LAMC1: variants seen among roughly 807,000 people sequenced by gnomAD.
LAMC1 encodes laminin subunit gamma 1, also known as laminin subunit gamma-1.
LAMC1 carries 38 observed loss-of-function variants against 173.6 expected under a neutral mutation model. That is an observed-to-expected ratio of 0.22 (90% confidence interval 0.17 to 0.29). The LOEUF is 0.29. Ranked by LOEUF, LAMC1 falls within the 10% of genes least tolerant of loss-of-function variation. The pLI is 1.00. For missense variants in LAMC1, 1,824 were observed against 2,051.8 expected, an observed-to-expected ratio of 0.89 and a Z score of 2.14; for synonymous variants, 746 against 749.1, an observed-to-expected ratio of 1.00 and a Z score of 0.07.
chr1:183,097,304 T>G (rs562804149), intron 1 of LAMC1, among the ~76,000 whole-genome samples: 3 of 152,206 alleles, frequency 2.0e-5, no homozygotes, highest in Non-Finnish European at 4.4e-5. Flanking sequence ...TATTAAAGTT[T>G]TATATGCCTA....
chr1:183,043,466 G>A (rs1283857145), intron 1 of LAMC1, among the ~76,000 whole-genome samples: 1 of 152,054 alleles, frequency 6.6e-6, no homozygotes, highest in African/African-American at 2.4e-5. Flanking sequence ...AACTACTGAA[G>A]ACTATATAAA....
chr1:183,129,235 G>A lies in LAMC1; in HGVS notation c.3280+485G>A, dbSNP rs570866348. Among the ~76,000 whole-genome samples, 660 of 123,728 alleles carry A rather than the reference G, an allele frequency of 5.3e-3. 1 individual carries two copies. Among genetic ancestry groups the A allele is most frequent in the Non-Finnish European group, 8.6e-3 (493 of 57,002 alleles). 81.2% of individuals were successfully genotyped at this position (123,728 alleles called of 152,430 possible). On this transcript the variant is annotated intron_variant, in intron 18 of 27. Coordinates refer to ENST00000258341, the MANE Select transcript of LAMC1 (RefSeq NM_002293.4). ...CAAGTACCTGGGACTACAGGCACATGCCCACCATGCCCGGGGTAATTTTTT... is the reference window on the plus strand; with the variant it reads ...CAAGTACCTGGGACTACAGGCACATACCCACCATGCCCGGGGTAATTTTTT...
At chr1:183,057,934 G>A (rs1395449957) in intron 1 of LAMC1, among the ~76,000 whole-genome samples, 1 of 152,030 alleles carries the variant, frequency 6.6e-6, no homozygotes, top group Admixed American at 6.5e-5. Flanking sequence ...GCAGTTCAAT[G>A]CATAAGGAAT....
chr1:183,136,164 G>C (rs952391365), intron 24 of LAMC1, among the ~76,000 whole-genome samples: 1 of 152,176 alleles, frequency 6.6e-6, no homozygotes, highest in African/African-American at 2.4e-5. Flanking sequence ...GCACATTGTT[G>C]AAGTAAGAAT....
chr1:183,100,111 C>T (rs559872684), intron 1 of LAMC1, among the ~76,000 whole-genome samples: 27 of 152,314 alleles, frequency 1.8e-4, no homozygotes, highest in African/African-American at 4.8e-4. Flanking sequence ...AGCTCCCTAT[C>T]GCCTTTGTAG....
At chr1:183,127,180 C>G in intron 16 of LAMC1, 46 bp from the exon 17 acceptor site, 4 of 1,554,098 alleles carry the variant, frequency 2.6e-6, no homozygotes, top group Non-Finnish European at 3.5e-6. Flanking sequence ...GAGATATACT[C>G]TTCCTTCTTT....
At chr1:183,086,417 A>C (rs1418194092) in intron 1 of LAMC1, among the ~76,000 whole-genome samples, 1 of 152,248 alleles carries the variant, frequency 6.6e-6, no homozygotes, top group Non-Finnish European at 1.5e-5. Flanking sequence ...TGATAGAAGC[A>C]AGAGCAGAGA....
rs758467789 is a variant in LAMC1, at chr1:183,125,551, G to T, written c.2801+1G>T. 1 of 1,571,756 alleles carries T rather than the reference G, an allele frequency of 6.4e-7. No homozygotes were observed. Among genetic ancestry groups the T allele is most frequent in the South Asian group, 1.2e-5 (1 of 84,930 alleles). On this transcript the variant is annotated splice_donor_variant, in intron 15 of 27. Transcript: ENST00000258341. LOFTEE classifies it high-confidence loss of function. The stretch of plus-strand genomic sequence containing the variant: ...TGCAGAGTGGGCAAGGCTGTGAGAG[G>T]TGAGACATAGGTGCCTTTGGTGAAA...
chr1:183,040,243 C>T (rs1654091664), intron 1 of LAMC1, among the ~76,000 whole-genome samples: 1 of 152,230 alleles, frequency 6.6e-6, no homozygotes, highest in African/African-American at 2.4e-5. Context: ...GTTCATACAT[C>T]ATTTTGTGTT....
intron 1 of LAMC1, among the ~76,000 whole-genome samples, chr1:183,073,467 C>T (rs1655058643): frequency 6.6e-6 from 1 of 152,174 alleles, no homozygotes; most frequent in Non-Finnish European, 1.5e-5. Flanking sequence ...CCTCCCAAAC[C>T]TTTGAGCTTG....
chr1:183,056,136 G>A (rs1654588940), intron 1 of LAMC1, among the ~76,000 whole-genome samples: 1 of 152,234 alleles, frequency 6.6e-6, no homozygotes. Flanking sequence ...TTAGAGCATG[G>A]GCTGTGGAGG....
intron 1 of LAMC1, among the ~76,000 whole-genome samples, chr1:183,059,238 A>G (rs768595004): frequency 6.6e-6 from 1 of 152,248 alleles, no homozygotes; most frequent in South Asian, 2.1e-4. Flanking sequence ...TGATGCTGTT[A>G]TTAACTCAGG....
Position 183,114,538 on chromosome 1 carries a change from T to A in LAMC1, c.1029T>A (p.Asp343Glu). 1 of 1,614,200 alleles carries A rather than the reference T, an allele frequency of 6.2e-7. No homozygotes were observed. Among genetic ancestry groups the A allele is most frequent in the Non-Finnish European group, 8.5e-7 (1 of 1,180,038 alleles). ...AESASECLPC[D>E]CNGRSQECYF... ...GTGTGTTTTGACTGACAGCCTGTGA[T>A]TGCAATGGTCGATCCCAGGAATGCT... is the stretch of plus-strand genomic sequence containing the variant. The change falls in exon 5 of 28, where the codon GAT becomes GAA. Residue 343 changes from aspartate (D) to glutamate (E), a missense_variant. Transcript: ENST00000258341.
At chr1:183,075,021 T>C (rs1655090816) in intron 1 of LAMC1, among the ~76,000 whole-genome samples, 1 of 152,170 alleles carries the variant, frequency 6.6e-6, no homozygotes, top group African/African-American at 2.4e-5. Flanking sequence ...TATATTTTTC[T>C]TGTCTAACGG....
At chr1:183,039,300 A>G (rs1421457384) in intron 1 of LAMC1, among the ~76,000 whole-genome samples, 3 of 152,132 alleles carry the variant, frequency 2.0e-5, no homozygotes, top group African/African-American at 7.2e-5. Context: ...CAAAAGAGCA[A>G]TTGTGTACTT....
At chr1:183,123,237 A>G (rs943775020) in intron 13 of LAMC1, among the ~76,000 whole-genome samples, 2 of 152,192 alleles carry the variant, frequency 1.3e-5, no homozygotes, top group African/African-American at 2.4e-5. Context: ...TACTGATGTT[A>G]TCTCAGATCT....
rs193131567 is a variant in LAMC1, at chr1:183,038,625, G to T, written c.418+14491G>T. Among the ~76,000 whole-genome samples the T allele has an allele frequency of 2.0e-5, 3 of 152,306 alleles. No homozygotes were observed. In the East Asian group the frequency reaches 5.8e-4, roughly 29 times the overall value. On this transcript the variant is annotated intron_variant, in intron 1 of 27. Transcript: ENST00000258341. ...TAGTGACAGCATGATGAAATGAGCT[G>T]AACAGCTTTTTTTGAGTTTTCACTG...
At chr1:183,136,712 A>G (rs1392443895) in intron 25 of LAMC1, 127 bp downstream of exon 25, 14 of 742,862 alleles carry the variant, frequency 1.9e-5, no homozygotes, top group East Asian at 1.1e-4. Flanking sequence ...GTCTTAAACC[A>G]TATTTGTCTT....
In LAMC1 at chr1:183,127,408, A is replaced by C; in HGVS notation, c.3123+4A>C. 1.2e-6 allele frequency: 2 copies of C among 1,613,784 alleles called. No homozygotes were observed. Among genetic ancestry groups the C allele is most frequent in the Non-Finnish European group, 1.7e-6 (2 of 1,179,750 alleles). ...TTACCGGCTGGTAAAGGATAAGGTAAGCTGTCAATAGTGCATTCATTCATT... is the reference window on the plus strand; with the variant it reads ...TTACCGGCTGGTAAAGGATAAGGTACGCTGTCAATAGTGCATTCATTCATT... On this transcript the variant is annotated splice_donor_region_variant and intron_variant, in intron 17 of 27. Transcript: ENST00000258341.
Sources: gnomAD v4.1 joint callset for allele counts (sites outside exome capture counted in the v4.1 genomes callset) on GRCh38, gnomAD v4.1.1 for gene constraint, MANE v1.5 for transcripts, NCBI Gene and HGNC (gene_info 2026-07-23, HGNC 2026-07-21) for gene names.